The following SPATA16 variants were observed in gnomAD, a reference collection of about 807,000 sequenced individuals.
The protein encoded by SPATA16 is spermatogenesis associated 16, also known as spermatogenesis-associated protein 16.
A neutral mutation model predicts 63.3 loss-of-function variants in SPATA16; 36 were observed. That is an observed-to-expected ratio of 0.57 (90% CI 0.44 to 0.75). SPATA16 has a LOEUF of 0.75. Ranked by LOEUF, SPATA16 falls within the 30% of genes least tolerant of loss-of-function variation. The pLI, the probability that SPATA16 is intolerant of heterozygous loss-of-function variation, is 0.00. For missense variants in SPATA16, 646 were observed against 679.3 expected (o/e 0.95, Z 0.54); for synonymous variants, 203 against 216.7 (o/e 0.94, Z 0.56).
At chr3:172,962,186 G>A (rs1173961179) in intron 5 of SPATA16, among the ~76,000 whole-genome samples, 1 of 147,612 alleles carries the variant, frequency 6.8e-6, no homozygotes, top group African/African-American at 2.5e-5. Flanking sequence ...CCAGGAAGTG[G>A]AGGTTGCAGT....
In SPATA16 at chr3:173,042,314, C is replaced by T. The variant is rs528550049; in HGVS notation, c.758+6635G>A. 2.0e-3 allele frequency among the ~76,000 whole-genome samples: 310 copies of T among 152,176 alleles called. 3 individuals are homozygous for T. The highest frequency in any genetic ancestry group is 7.0e-3 in the African/African-American group (289 of 41,514). On this transcript the variant is annotated intron_variant, in intron 3 of 10. Coordinates refer to ENST00000351008, the MANE Select transcript of SPATA16 (RefSeq NM_031955.6). The stretch of plus-strand genomic sequence containing the variant: ...TTGGTTCACTGTGGCCTCTCCCTCC[C>T]GGGTTCAAGTGATTCTCCTGTCTCA...
At chr3:173,005,567 C>T (rs1387798053) in intron 4 of SPATA16, among the ~76,000 whole-genome samples, 2 of 152,038 alleles carry the variant, frequency 1.3e-5, no homozygotes, top group Non-Finnish European at 2.9e-5. Context: ...AAAGTGCACA[C>T]AACCCAAGAA....
intron 6 of SPATA16, among the ~76,000 whole-genome samples, chr3:172,955,416 T>A (rs1733545715): frequency 6.6e-6 from 1 of 152,190 alleles, no homozygotes; most frequent in Non-Finnish European, 1.5e-5. Context: ...ATAAGAATAA[T>A]GAATAATTTG....
At chr3:173,061,785 A>G (rs1577154503) in intron 2 of SPATA16, among the ~76,000 whole-genome samples, 2 of 152,338 alleles carry the variant, frequency 1.3e-5, no homozygotes, top group East Asian at 3.9e-4. Flanking sequence ...ATGGTACCTC[A>G]TAGATCTACT....
intron 2 of SPATA16, among the ~76,000 whole-genome samples, chr3:173,074,992 C>CAAA (rs35683679): frequency 1.0e-4 from 7 of 66,796 alleles, no homozygotes; most frequent in East Asian, 5.1e-4. Context: ...GACTCTATCT[C>CAAA]AAAAAAAAAA....
intron 2 of SPATA16, among the ~76,000 whole-genome samples, chr3:173,062,412 T>C (rs1736401091): frequency 6.6e-6 from 1 of 152,230 alleles, no homozygotes; most frequent in South Asian, 2.1e-4. Context: ...ACATGCAAAC[T>C]CAGCTCTTGT....
chr3:173,006,890 C>A (rs1321734170), intron 4 of SPATA16, among the ~76,000 whole-genome samples: 2 of 151,540 alleles, frequency 1.3e-5, no homozygotes, highest in African/African-American at 2.4e-5. Flanking sequence ...AAAAATGGAA[C>A]AAGGTATCTT....
At chr3:172,959,566 T>A (rs1026167428) in intron 5 of SPATA16, among the ~76,000 whole-genome samples, 2 of 152,132 alleles carry the variant, frequency 1.3e-5, no homozygotes, top group Non-Finnish European at 2.9e-5. Context: ...ATAGAAATTG[T>A]ATTCTCCATG....
intron 2 of SPATA16, among the ~76,000 whole-genome samples, chr3:173,109,172 G>A (rs1737689410): frequency 6.6e-6 from 1 of 152,040 alleles, no homozygotes; most frequent in Non-Finnish European, 1.5e-5. Context: ...TTCTCCCCGA[G>A]ATGGTCAATG....
intron 6 of SPATA16, among the ~76,000 whole-genome samples, chr3:172,945,497 G>A (rs1733261767): frequency 6.6e-6 from 1 of 152,192 alleles, no homozygotes; most frequent in South Asian, 2.1e-4. Flanking sequence ...AAGCACAAAA[G>A]AGGGAAGGGA....
At chr3:173,055,726 A>C (rs1239838277) in intron 2 of SPATA16, among the ~76,000 whole-genome samples, 1 of 151,814 alleles carries the variant, frequency 6.6e-6, no homozygotes, top group African/African-American at 2.4e-5. Flanking sequence ...CAGACATAAT[A>C]CACACACACA....
chr3:173,086,898 A>T (rs1737071724), intron 2 of SPATA16, among the ~76,000 whole-genome samples: 1 of 151,878 alleles, frequency 6.6e-6, no homozygotes, highest in Admixed American at 6.6e-5. Context: ...GGTCTAAGAG[A>T]CTTATGATTT....
At chr3:172,919,375 G>T (rs564600643) in intron 8 of SPATA16, among the ~76,000 whole-genome samples, 1 of 152,312 alleles carries the variant, frequency 6.6e-6, no homozygotes, top group East Asian at 1.9e-4. Flanking sequence ...AGGATTAGAA[G>T]TCACCAGCAA....
Position 173,117,235 on chromosome 3 carries a change from A to T in SPATA16, c.497T>A (p.Phe166Tyr). 1 of 1,614,160 alleles carries T rather than the reference A, an allele frequency of 6.2e-7. No individual in the cohort carries two copies. Among genetic ancestry groups the T allele is most frequent in the Non-Finnish European group, 8.5e-7 (1 of 1,180,000 alleles). Residue 166 changes from phenylalanine to tyrosine, a missense_variant, in exon 2 of 11, where the codon TTC becomes TAC. Phe to Tyr is a conservative substitution (Grantham distance 22). Coordinates refer to ENST00000351008, the MANE Select transcript of SPATA16 (RefSeq NM_031955.6). ...EIVDPLSVHN[F>Y]SFLPQIDKWL... Reference sequence around the variant, plus strand: ...TTTGTCAATCTGAGGCAGAAAGCTGAAATTATGTACACTCAAAGGGTCTAC... The same window carrying T: ...TTTGTCAATCTGAGGCAGAAAGCTGTAATTATGTACACTCAAAGGGTCTAC...
chr3:173,063,065 C>T (rs928265137), intron 2 of SPATA16, among the ~76,000 whole-genome samples: 22 of 152,206 alleles, frequency 1.4e-4, no homozygotes, highest in African/African-American at 5.3e-4. Context: ...TGAATTCCAA[C>T]AGCTATTACT....
chr3:173,099,922 T>G (rs546742841), intron 2 of SPATA16, among the ~76,000 whole-genome samples: 2 of 152,298 alleles, frequency 1.3e-5, no homozygotes, highest in East Asian at 3.9e-4. Flanking sequence ...CTTCACAGCC[T>G]AAATTAACTA....
chr3:172,889,799 G>T, intron 10 of SPATA16, 107 bp from the exon 11 acceptor site: 1 of 1,462,040 alleles, frequency 6.8e-7, no homozygotes, highest in Non-Finnish European at 9.3e-7. Flanking sequence ...ACAAATCCAT[G>T]TTGGAACAGA....
At chr3:172,906,899 G>A (rs995712354) in intron 10 of SPATA16, among the ~76,000 whole-genome samples, 6 of 152,036 alleles carry the variant, frequency 3.9e-5, no homozygotes, top group South Asian at 4.2e-4. Context: ...CCGCTACCAC[G>A]CCCGGCTAAT....
chr3:172,993,739 A>G (rs1734634644), intron 4 of SPATA16, among the ~76,000 whole-genome samples: 1 of 152,148 alleles, frequency 6.6e-6, no homozygotes, highest in Non-Finnish European at 1.5e-5. Flanking sequence ...TATTTCTGAC[A>G]TTACCTCTTT....
Sources: allele counts gnomAD v4.1 joint callset (sites outside exome capture counted in the v4.1 genomes callset), GRCh38; gene constraint gnomAD v4.1.1; transcripts MANE v1.5; gene names NCBI Gene and HGNC (gene_info 2026-07-23, HGNC 2026-07-21).